VPS35L: variants seen among roughly 807,000 people sequenced by gnomAD.
VPS35L encodes VPS35 endosomal protein sorting factor like, also known as VPS35 endosomal protein-sorting factor-like.
Under a neutral mutation model 133.0 loss-of-function variants are expected in VPS35L, and 83 were observed. The ratio of observed to expected loss-of-function variants is 0.62; its 90% CI spans 0.52 to 0.75. The LOEUF (loss-of-function observed/expected upper bound fraction) is 0.75, where lower values mean the gene tolerates loss of function less well. Among genes scored for constraint, VPS35L ranks in the 30% least tolerant of loss-of-function variants. The probability of loss-of-function intolerance (pLI) is 0.00; values close to 1 mark genes in which losing one functional copy is unlikely to be tolerated. For missense variants in VPS35L, 1,083 were observed against 1,206.8 expected (o/e 0.90, Z 1.52); for synonymous variants, 423 against 449.9 (o/e 0.94, Z 0.76).
rs73529886 is a variant in VPS35L, at chr16:19,563,416, A to G, written c.18-1435A>G. Among the ~76,000 whole-genome samples, 872 of 151,708 alleles carry G rather than the reference A, an allele frequency of 5.7e-3. 8 individuals carry two copies. Among genetic ancestry groups the G allele is most frequent in the African/African-American group, 0.02 (808 of 41,404 alleles). ...GTTTATTTGCTTTTGTACTTGTCCTACTTGGGCCACAGATGTTTCTTGAGT... is the reference window on the plus strand; with the variant it reads ...GTTTATTTGCTTTTGTACTTGTCCTGCTTGGGCCACAGATGTTTCTTGAGT... On this transcript the variant is annotated intron_variant, in intron 1 of 30. Transcript: ENST00000417362.
chr16:19,618,999 C>T (rs1567428694), intron 14 of VPS35L, among the ~76,000 whole-genome samples: 1 of 150,950 alleles, frequency 6.6e-6, no homozygotes, highest in South Asian at 2.1e-4. Context: ...GGTGCAATCT[C>T]GGCTCGCTAC....
chr16:19,569,476 C>A lies in VPS35L; in HGVS notation c.170C>A (p.Thr57Lys). The change falls in exon 3 of 31, where the codon ACG becomes AAG. Residue 57 changes from threonine (T) to lysine (K), a missense_variant. Physicochemically the swap from Thr to Lys is moderately conservative, Grantham distance 78. Coordinates refer to ENST00000417362, the MANE Select transcript of VPS35L (RefSeq NM_020314.7). ...KVNRKGSTSS[T>K]SSSSSSSVVD... ...AACCGGAAAGGAAGCACTTCTTCCA[C>A]GTCCTCCTCCTCCTCCAGCTCCGTG... 6.2e-7 allele frequency: 1 copy of A among 1,608,038 alleles called. No homozygotes were observed. The highest frequency in any genetic ancestry group is 8.5e-7 in the Non-Finnish European group (1 of 1,177,252).
chr16:19,636,635 A>G (rs183983256), intron 19 of VPS35L, among the ~76,000 whole-genome samples: 15 of 152,328 alleles, frequency 9.8e-5, no homozygotes, highest in African/African-American at 3.4e-4. Context: ...ATGGGCACAT[A>G]ACGTTCTTCA....
intron 29 of VPS35L, among the ~76,000 whole-genome samples, chr16:19,698,269 C>G (rs1000912241): frequency 2.0e-5 from 3 of 152,148 alleles, no homozygotes; most frequent in Non-Finnish European, 4.4e-5. Context: ...TAGAAGCTGT[C>G]TGTGTTTCTC....
intron 14 of VPS35L, among the ~76,000 whole-genome samples, chr16:19,624,556 G>T (rs1245714516): frequency 6.6e-6 from 1 of 152,012 alleles, no homozygotes; most frequent in Non-Finnish European, 1.5e-5. Flanking sequence ...CTGCACTCCA[G>T]CCTGGGCAAC....
chr16:19,670,571 G>T (rs1974842222), intron 27 of VPS35L, among the ~76,000 whole-genome samples: 1 of 152,198 alleles, frequency 6.6e-6, no homozygotes, highest in South Asian at 2.1e-4. Context: ...TAAGAAGGTG[G>T]CGACAAAGTT....
chr16:19,637,525 T>C, intron 19 of VPS35L, 69 bp from the exon 20 acceptor site: 1 of 1,213,650 alleles, frequency 8.2e-7, no homozygotes, highest in Non-Finnish European at 1.1e-6. Flanking sequence ...CCTGAGAGAA[T>C]GTAAACCAGA....
intron 14 of VPS35L, among the ~76,000 whole-genome samples, chr16:19,618,259 GA>G (rs912081507): frequency 6.0e-5 from 9 of 150,754 alleles, no homozygotes; most frequent in African/African-American, 1.5e-4. Flanking sequence ...GTACAGAAAA[GA>G]AAAAAAAAGG....
At position 19,682,383 on chromosome 16, in the gene VPS35L, A is replaced by G. The variant is rs899999671; in HGVS notation, c.2520A>G (p.Ile840Met). The change falls in exon 28 of 31, where the codon ATA becomes ATG. Residue 840 changes from isoleucine to methionine, a missense_variant. Ile to Met is a conservative substitution (Grantham distance 10). Transcript: ENST00000417362. The part of the protein sequence containing the change: ...AMSQETYLYH[I>M]DKVDSNDSLY... ...GCCAGGAGACGTACCTTTACCACAT[A>G]GACAAAGGTAGCAGAGCCTCCCCCA... The G allele has an allele frequency of 6.2e-7, 1 of 1,613,970 alleles. No homozygotes were observed. Among genetic ancestry groups the G allele is most frequent in the Non-Finnish European group, 8.5e-7 (1 of 1,179,874 alleles).
intron 26 of VPS35L, among the ~76,000 whole-genome samples, chr16:19,657,348 CTTTT>C: frequency 6.9e-6 from 1 of 145,110 alleles, no homozygotes; most frequent in South Asian, 2.3e-4. Flanking sequence ...AACTTACTTT[CTTTT>C]ATTTTTTGCA....
intron 8 of VPS35L, among the ~76,000 whole-genome samples, chr16:19,600,871 A>G (rs1972361174): frequency 6.6e-6 from 1 of 152,186 alleles, no homozygotes; most frequent in African/African-American, 2.4e-5. Flanking sequence ...CATTTTTGAC[A>G]TATTTTATGT....
intron 29 of VPS35L, among the ~76,000 whole-genome samples, chr16:19,695,529 A>G (rs942477767): frequency 6.6e-6 from 1 of 152,156 alleles, no homozygotes; most frequent in Non-Finnish European, 1.5e-5. Flanking sequence ...TTAGAAAAAC[A>G]TCGGTCAGGC....
At chr16:19,677,045 CAAAAG>C (rs924405104) in intron 27 of VPS35L, among the ~76,000 whole-genome samples, 39 of 150,562 alleles carry the variant, frequency 2.6e-4, no homozygotes, top group African/African-American at 9.2e-4. Flanking sequence ...GACCTCATCT[CAAAAG>C]AAAAAGTTTT....
intron 3 of VPS35L, among the ~76,000 whole-genome samples, chr16:19,570,260 A>G (rs1254880782): frequency 6.6e-6 from 1 of 152,026 alleles, no homozygotes; most frequent in Admixed American, 6.6e-5. Flanking sequence ...ATGGGCTTTC[A>G]TCATGTTGAC....
chr16:19,660,385 C>T (rs181120582), intron 26 of VPS35L, among the ~76,000 whole-genome samples: 2 of 151,834 alleles, frequency 1.3e-5, no homozygotes, highest in Admixed American at 6.6e-5. Flanking sequence ...TCTTCCTGGG[C>T]TAGGACAGCT....
Position 19,663,763 on chromosome 16 carries a change from T to C in VPS35L, c.2222-5397T>C, listed in dbSNP as rs149993229. ...TGATCTTAGAGTTGATATAAAGATA[T>C]CTTCATCCAACAGGAATGATTGACC... On this transcript the variant is annotated intron_variant, in intron 26 of 30. Coordinates refer to ENST00000417362, the MANE Select transcript of VPS35L (RefSeq NM_020314.7). 4.6e-3 allele frequency among the ~76,000 whole-genome samples: 681 copies of C among 149,530 alleles called. 2 individuals are homozygous for C. The highest frequency in any genetic ancestry group is 0.016 in the African/African-American group (665 of 40,476).
chr16:19,615,773 C>A (rs561827427), intron 12 of VPS35L, among the ~76,000 whole-genome samples: 262 of 152,014 alleles, frequency 1.7e-3, no homozygotes, highest in Non-Finnish European at 2.6e-3. Flanking sequence ...TCAAGACCAT[C>A]CTGGCCAATG....
At chr16:19,663,993 G>C (rs983254295) in intron 26 of VPS35L, among the ~76,000 whole-genome samples, 1 of 152,068 alleles carries the variant, frequency 6.6e-6, no homozygotes, top group Non-Finnish European at 1.5e-5. Context: ...CCTTGCGGAA[G>C]TTTCCCGAAT....
chr16:19,608,422 G>T lies in VPS35L; in HGVS notation c.881+148G>T, dbSNP rs2040638. 0.096 allele frequency: 60,564 copies of T among 634,070 alleles called. 4,482 individuals carry two copies. The highest frequency in any genetic ancestry group is 0.24 in the East Asian group (8,888 of 36,656). 39.3% of individuals were successfully genotyped at this position (634,070 alleles called of 1,614,324 possible). On this transcript the variant is annotated intron_variant, in intron 10 of 30. Coordinates refer to ENST00000417362, the MANE Select transcript of VPS35L (RefSeq NM_020314.7). ...TTGCTAGCCTGAAAACACATACAGGGCAAGCCACATTGTAGAAACCCTTGG... is the reference window on the plus strand; with the variant it reads ...TTGCTAGCCTGAAAACACATACAGGTCAAGCCACATTGTAGAAACCCTTGG...
Sources: gnomAD v4.1 joint callset for allele counts (sites outside exome capture counted in the v4.1 genomes callset) on GRCh38, gnomAD v4.1.1 for gene constraint, MANE v1.5 for transcripts, NCBI Gene and HGNC (gene_info 2026-07-23, HGNC 2026-07-21) for gene names.